The following XKR6 variants were observed in gnomAD, a reference collection of about 807,000 sequenced individuals.
XKR6 encodes the protein XK-related protein 6.
Under a neutral mutation model 56.7 loss-of-function variants are expected in XKR6, and 22 were observed. The ratio of observed to expected loss-of-function variants is 0.39; its 90% CI spans 0.28 to 0.55. XKR6 has a LOEUF of 0.55. Ranked by LOEUF, XKR6 falls within the 20% of genes least tolerant of loss-of-function variation. The pLI is 0.66. For missense variants in XKR6, 852 were observed against 889.0 expected, an observed-to-expected ratio of 0.96 and a Z score of 0.53; for synonymous variants, 524 against 387.8, an observed-to-expected ratio of 1.35 and a Z score of -4.13.
intron 1 of XKR6, among the ~76,000 whole-genome samples, chr8:11,059,748 C>T (rs1244182879): frequency 6.6e-6 from 1 of 151,330 alleles, no homozygotes. Flanking sequence ...GGACCCCGCC[C>T]CGCGGCTCCC....
intron 1 of XKR6, among the ~76,000 whole-genome samples, chr8:11,052,475 G>C (rs1261165773): frequency 6.6e-6 from 1 of 152,196 alleles, no homozygotes. Flanking sequence ...GACCGACACT[G>C]GCTGGCATCT....
At chr8:11,058,111 A>C (rs900431769) in intron 1 of XKR6, among the ~76,000 whole-genome samples, 3 of 152,170 alleles carry the variant, frequency 2.0e-5, no homozygotes, top group African/African-American at 7.2e-5. Context: ...CCCCCATTTG[A>C]GTTGTGTTCT....
chr8:11,047,803 A>AT (rs1799447316), intron 1 of XKR6, among the ~76,000 whole-genome samples: 1 of 152,242 alleles, frequency 6.6e-6, no homozygotes, highest in African/African-American at 2.4e-5. Flanking sequence ...CCATAAAAAA[A>AT]TTGGCCTTAA....
intron 1 of XKR6, among the ~76,000 whole-genome samples, chr8:11,005,631 G>C (rs1286440795): frequency 6.6e-6 from 1 of 151,966 alleles, no homozygotes; most frequent in Non-Finnish European, 1.5e-5. Context: ...TGCAAATATG[G>C]TACGATGTGT....
At chr8:11,018,261 C>T (rs1174460786) in intron 1 of XKR6, among the ~76,000 whole-genome samples, 3 of 149,538 alleles carry the variant, frequency 2.0e-5, no homozygotes, top group South Asian at 2.2e-4. Flanking sequence ...GTTACCATAG[C>T]GACCTCAAGA....
At chr8:10,906,625 C>G (rs977018503) in intron 2 of XKR6, among the ~76,000 whole-genome samples, 1 of 152,206 alleles carries the variant, frequency 6.6e-6, no homozygotes, top group Non-Finnish European at 1.5e-5. Context: ...TTCATAAGCA[C>G]TGACATACTC....
At chr8:11,041,295 C>T (rs551158240) in intron 1 of XKR6, among the ~76,000 whole-genome samples, 21 of 152,252 alleles carry the variant, frequency 1.4e-4, no homozygotes, top group African/African-American at 4.3e-4. Flanking sequence ...CGGTGGCTCA[C>T]GCCTGTAATC....
chr8:11,143,895 A>G (rs1800840008), intron 1 of XKR6, among the ~76,000 whole-genome samples: 1 of 152,182 alleles, frequency 6.6e-6, no homozygotes, highest in South Asian at 2.1e-4. Context: ...TGCAAGATCT[A>G]GGTCTCAAAT....
chr8:11,033,342 G>A (rs1799044886), intron 1 of XKR6, among the ~76,000 whole-genome samples: 1 of 149,756 alleles, frequency 6.7e-6, no homozygotes, highest in African/African-American at 2.5e-5. Context: ...TGATGGTGGT[G>A]GTGATGATGA....
At chr8:11,195,154 G>C in intron 1 of XKR6, 1 of 703,228 alleles carries the variant, frequency 1.4e-6, no homozygotes. Context: ...GAAGAAACCA[G>C]GTGAGGCAAC....
chr8:10,958,763 G>C (rs1437544180), intron 1 of XKR6, among the ~76,000 whole-genome samples: 1 of 152,218 alleles, frequency 6.6e-6, no homozygotes, highest in Non-Finnish European at 1.5e-5. Flanking sequence ...GTCCTACAGA[G>C]AAACGATGGG....
intron 2 of XKR6, among the ~76,000 whole-genome samples, chr8:10,915,022 C>A (rs772667899): frequency 6.6e-6 from 1 of 152,238 alleles, no homozygotes; most frequent in Non-Finnish European, 1.5e-5. Context: ...TCGTGGTCTC[C>A]CTGTTGAAGA....
In XKR6 at chr8:10,952,803, G is replaced by A. The variant is rs115141042; in HGVS notation, c.765-27973C>T. ...TTAGCACAGGGCTCCCAACCCCCGGGCCATGGACAGGTACTGGTCTGTGGC... is the reference window on the plus strand; with the variant it reads ...TTAGCACAGGGCTCCCAACCCCCGGACCATGGACAGGTACTGGTCTGTGGC... On this transcript the variant is annotated intron_variant, in intron 1 of 2. Transcript: ENST00000416569. Among the ~76,000 whole-genome samples, 339 of 152,264 alleles carry A rather than the reference G, an allele frequency of 2.2e-3. 1 individual carries two copies. Among genetic ancestry groups the A allele is most frequent in the African/African-American group, 7.9e-3 (330 of 41,550 alleles).
intron 1 of XKR6, among the ~76,000 whole-genome samples, chr8:11,199,254 G>A (rs1398477401): frequency 1.3e-5 from 2 of 152,218 alleles, no homozygotes; most frequent in African/African-American, 4.8e-5. Context: ...GAATTTGCAC[G>A]TAAATCCAGC....
At position 10,911,339 on chromosome 8, in the gene XKR6, A is replaced by G. The variant is rs201572212; in HGVS notation, c.962-12423T>C. Among the ~76,000 whole-genome samples, 538 of 111,916 alleles carry G rather than the reference A, an allele frequency of 4.8e-3. 3 individuals carry two copies. Among genetic ancestry groups the G allele is most frequent in the East Asian group, 0.03 (124 of 4,190 alleles). The allele number at this position is 111,916 out of a possible 152,430, so 73.4% of individuals were successfully genotyped here. ...AGGGTGAGTATATATATATATATATATGTGTGTGTGTGTGTGTATATATAT... is the reference window on the plus strand; with the variant it reads ...AGGGTGAGTATATATATATATATATGTGTGTGTGTGTGTGTGTATATATAT... On this transcript the variant is annotated intron_variant, in intron 2 of 2. Transcript: ENST00000416569.
At chr8:10,968,310 T>A (rs183340578) in intron 1 of XKR6, among the ~76,000 whole-genome samples, 1 of 152,338 alleles carries the variant, frequency 6.6e-6, no homozygotes, top group East Asian at 1.9e-4. Flanking sequence ...GGCTCACCCA[T>A]TTAAAAAATT....
At chr8:11,104,988 C>G (rs1798624336) in intron 1 of XKR6, 1 of 152,162 alleles carries the variant, frequency 6.6e-6, no homozygotes, top group African/African-American at 2.4e-5. Flanking sequence ...TCCTTTTAAC[C>G]TCTACCACAT....
At chr8:10,971,891 C>T (rs1447317884) in intron 1 of XKR6, among the ~76,000 whole-genome samples, 1 of 152,152 alleles carries the variant, frequency 6.6e-6, no homozygotes, top group African/African-American at 2.4e-5. Flanking sequence ...CAGTAGGTGT[C>T]ATATACAATA....
intron 1 of XKR6, among the ~76,000 whole-genome samples, chr8:11,169,116 C>G (rs1448121641): frequency 1.3e-5 from 2 of 152,322 alleles, no homozygotes; most frequent in East Asian, 3.9e-4. Flanking sequence ...CAAGACCAGT[C>G]AGCACATTCC....
Sources: gnomAD v4.1 joint callset for allele counts (sites outside exome capture counted in the v4.1 genomes callset) on GRCh38, gnomAD v4.1.1 for gene constraint, MANE v1.5 for transcripts, NCBI Gene and HGNC (gene_info 2026-07-23, HGNC 2026-07-21) for gene names.